Variants in PTPN12 observed in about 807,000 individuals in gnomAD.
PTPN12 encodes the protein protein tyrosine phosphatase non-receptor type 12.
A neutral mutation model predicts 97.6 loss-of-function variants in PTPN12; 29 were observed. That is an observed-to-expected ratio of 0.30 (90% CI 0.22 to 0.41). PTPN12 has a LOEUF of 0.41. Ranked by LOEUF, PTPN12 falls within the 10% of genes least tolerant of loss-of-function variation. The probability of loss-of-function intolerance (pLI) is 1.00; values close to 1 mark genes in which losing one functional copy is unlikely to be tolerated. For synonymous variants in PTPN12, 327 were observed against 300.4 expected (o/e 1.09, Z -0.91); for missense variants, 819 against 926.0 (o/e 0.88, Z 1.50).
chr7:77,618,350 C>CT (rs921452218), intron 11 of PTPN12, 130 bp from the exon 12 acceptor site: 7,204 of 479,614 alleles, frequency 0.015, no homozygotes, highest in South Asian at 0.021. Context: ...GAATATAAGA[C>CT]TTTTTTTTTT....
At chr7:77,559,529 A>G (rs1260494179) in intron 1 of PTPN12, among the ~76,000 whole-genome samples, 8 of 152,178 alleles carry the variant, frequency 5.3e-5, no homozygotes, top group Non-Finnish European at 1.0e-4. Context: ...GTCTTTAGGT[A>G]TGTTATTTAG....
rs556538458 is a variant in PTPN12 at position 77,588,476 on chromosome 7, A to G, written c.420+2895A>G. Among the ~76,000 whole-genome samples the G allele has an allele frequency of 8.2e-4, 125 of 152,344 alleles. No homozygotes were observed. In the Middle Eastern group the frequency reaches 0.027, roughly 33 times the overall value. ...ACCCCAAAACAGAGTAGTAACTTCA[A>G]ACATCACTGATCAGATTACAATAAC... On this transcript the variant is annotated intron_variant, in intron 5 of 17. Transcript: ENST00000248594.
chr7:77,545,140 A>G (rs990411181), intron 1 of PTPN12, among the ~76,000 whole-genome samples: 6 of 152,238 alleles, frequency 3.9e-5, no homozygotes, highest in Non-Finnish European at 8.8e-5. Flanking sequence ...AATGTCTTTT[A>G]AACTTTTGGC....
rs1440482386 is a variant in PTPN12, at chr7:77,553,458, T to C, written c.99+15813T>C. Among the ~76,000 whole-genome samples, 4 of 152,224 alleles carry C rather than the reference T, an allele frequency of 2.6e-5. No individual in the cohort carries two copies. In the East Asian group the frequency reaches 7.7e-4, roughly 29 times the overall value. On this transcript the variant is annotated intron_variant, in intron 1 of 17. Coordinates refer to ENST00000248594, the MANE Select transcript of PTPN12 (RefSeq NM_002835.4). ...AGTTCTATCAGTTTTGGCTCACATA[T>C]TTTTATGCACAATTGTTAGACACAT...
Position 77,585,639 on chromosome 7 carries a change from T to G in PTPN12, c.420+58T>G, listed in dbSNP as rs537340224. The G allele has an allele frequency of 1.8e-4, 263 of 1,438,920 alleles. 1 individual carries two copies. In the African/African-American group the frequency reaches 3.2e-3, roughly 17 times the overall value. The allele number at this position is 1,438,920 out of a possible 1,614,324, so 89.1% of individuals were successfully genotyped here. A position where few individuals can be genotyped will look rare whatever the true frequency, so the allele number is the denominator to read the frequency against. On this transcript the variant is annotated intron_variant, in intron 5 of 17. Transcript: ENST00000248594. ...TTTTACGGATAAATATTCTTAGTCT[T>G]TTATTATTATAGTCTTAACATAAGC...
At position 77,627,051 on chromosome 7, in the gene PTPN12, A is replaced by G; in HGVS notation, c.1372A>G (p.Arg458Gly). The change falls in exon 13 of 18, where the codon AGG becomes GGG. Residue 458 changes from arginine to glycine, a missense_variant. Arg to Gly is a moderately radical substitution (Grantham distance 125, BLOSUM62 -2). Coordinates refer to ENST00000248594, the MANE Select transcript of PTPN12 (RefSeq NM_002835.4). Reference protein sequence around the residue: ...KSFDGNTLLNRGHAIKIKSAS... With the variant: ...KSFDGNTLLNGGHAIKIKSAS... ...TTTTGATGGGAACACACTTTTGAAT[A>G]GGGGACATGCAATTAAAATTAAATC... 1 of 1,613,504 alleles carries G rather than the reference A, an allele frequency of 6.2e-7. No individual in the cohort carries two copies. The highest frequency in any genetic ancestry group is 8.5e-7 in the Non-Finnish European group (1 of 1,179,672).
intron 1 of PTPN12, among the ~76,000 whole-genome samples, chr7:77,561,163 G>T (rs971455335): frequency 3.3e-5 from 5 of 152,052 alleles, no homozygotes; most frequent in African/African-American, 1.2e-4. Context: ...TGGCACAAGC[G>T]ATCCTCCTGC....
intron 1 of PTPN12, among the ~76,000 whole-genome samples, chr7:77,551,895 G>GTT (rs372074651): frequency 6.6e-6 from 1 of 152,124 alleles, no homozygotes; most frequent in East Asian, 1.9e-4. Context: ...TCCATGCATA[G>GTT]TTTTTTCCAT....
chr7:77,576,187 T>G (rs930581397), intron 2 of PTPN12, among the ~76,000 whole-genome samples: 7 of 152,174 alleles, frequency 4.6e-5, no homozygotes, highest in African/African-American at 1.7e-4. Flanking sequence ...TCATTCACGA[T>G]GTAGCATGCA....
intron 5 of PTPN12, among the ~76,000 whole-genome samples, chr7:77,589,411 A>G (rs1365368782): frequency 1.3e-5 from 2 of 152,204 alleles, no homozygotes; most frequent in Admixed American, 6.5e-5. Flanking sequence ...ATATTTAAAT[A>G]AAACTTATAA....
intron 1 of PTPN12, among the ~76,000 whole-genome samples, chr7:77,544,268 T>C (rs905850680): frequency 6.6e-6 from 1 of 152,224 alleles, no homozygotes; most frequent in Non-Finnish European, 1.5e-5. Context: ...TAATTTGTCT[T>C]TCAAAGCTAG....
intron 2 of PTPN12, among the ~76,000 whole-genome samples, chr7:77,577,195 C>T (rs150468016): frequency 1.3e-5 from 2 of 152,300 alleles, no homozygotes; most frequent in Non-Finnish European, 2.9e-5. Context: ...CTTCATATCT[C>T]TTCAGTACAT....
At chr7:77,613,985 G>A (rs1399275071) in intron 11 of PTPN12, among the ~76,000 whole-genome samples, 1 of 152,008 alleles carries the variant, frequency 6.6e-6, no homozygotes, top group African/African-American at 2.4e-5. Flanking sequence ...TCAACCTCCC[G>A]GACTCAAGCT....
intron 1 of PTPN12, among the ~76,000 whole-genome samples, chr7:77,557,376 A>G (rs1306653880): frequency 6.6e-6 from 1 of 152,078 alleles, no homozygotes; most frequent in Non-Finnish European, 1.5e-5. Flanking sequence ...TTCTGCTCTG[A>G]TTACTCGTGA....
In PTPN12 at chr7:77,634,073, G is replaced by T. The variant is rs528724845; in HGVS notation, c.2074+1648G>T. 3.9e-5 allele frequency among the ~76,000 whole-genome samples: 6 copies of T among 152,154 alleles called. No individual in the cohort carries two copies. The South Asian group carries it at 8.3e-4, about 21-fold the overall frequency. On this transcript the variant is annotated intron_variant, in intron 14 of 17. Coordinates refer to ENST00000248594, the MANE Select transcript of PTPN12 (RefSeq NM_002835.4). ...AAATTAGCCAGGTGTGGTGGCATGT[G>T]CCTGTAGTCCTTGCTACTCAGGAGG... is the stretch of plus-strand genomic sequence containing the variant.
chr7:77,607,774 A>G (rs952536423), intron 9 of PTPN12, among the ~76,000 whole-genome samples: 1 of 146,916 alleles, frequency 6.8e-6, no homozygotes, highest in African/African-American at 2.5e-5. Flanking sequence ...TTTTTCCGAG[A>G]TAGAGTTTCA....
intron 9 of PTPN12, among the ~76,000 whole-genome samples, chr7:77,609,942 A>G (rs774428583): frequency 6.6e-6 from 1 of 152,020 alleles, no homozygotes; most frequent in Non-Finnish European, 1.5e-5. Context: ...ACTTCCAAGC[A>G]GCAAACCTGG....
At chr7:77,542,648 C>CA (rs1379622829) in intron 1 of PTPN12, among the ~76,000 whole-genome samples, 1 of 152,068 alleles carries the variant, frequency 6.6e-6, no homozygotes, top group Non-Finnish European at 1.5e-5. Flanking sequence ...TTATGACTCG[C>CA]AAAATATCTA....
intron 5 of PTPN12, among the ~76,000 whole-genome samples, chr7:77,590,860 G>A (rs989567864): frequency 2.0e-5 from 3 of 151,514 alleles, no homozygotes; most frequent in Non-Finnish European, 2.9e-5. Flanking sequence ...CACCACGCCC[G>A]GCCTCCATCT....
Sources: allele counts gnomAD v4.1 joint callset (sites outside exome capture counted in the v4.1 genomes callset), GRCh38; gene constraint gnomAD v4.1.1; transcripts MANE v1.5; gene names NCBI Gene and HGNC (gene_info 2026-07-23, HGNC 2026-07-21).